The following PIP5K1B variants were observed in gnomAD, a reference collection of about 807,000 sequenced individuals.
PIP5K1B encodes phosphatidylinositol 4-phosphate 5-kinase type-1 beta.
PIP5K1B carries 42 observed loss-of-function variants against 67.0 expected under a neutral mutation model. The observed-to-expected ratio is 0.63, with a 90% CI of 0.49 to 0.81. PIP5K1B has a LOEUF of 0.81. Ranked by LOEUF, PIP5K1B falls within the 30% of genes least tolerant of loss-of-function variation. The pLI is 0.00. For missense variants in PIP5K1B, 459 were observed against 646.3 expected, an observed-to-expected ratio of 0.71 and a Z score of 3.14; for synonymous variants, 214 against 231.4, an observed-to-expected ratio of 0.92 and a Z score of 0.68.
chr9:68,825,562 A>G (rs1833937763), intron 4 of PIP5K1B, among the ~76,000 whole-genome samples: 1 of 152,216 alleles, frequency 6.6e-6, no homozygotes, highest in South Asian at 2.1e-4. Context: ...TTTCTTTCCC[A>G]GTCCTGAAGC....
chr9:68,820,598 G>A (rs1833687960), intron 3 of PIP5K1B, among the ~76,000 whole-genome samples: 1 of 152,114 alleles, frequency 6.6e-6, no homozygotes, highest in Admixed American at 6.6e-5. Context: ...GAATCCCTAG[G>A]TTTAGCATAT....
At chr9:68,801,649 G>T (rs1031300473) in intron 2 of PIP5K1B, among the ~76,000 whole-genome samples, 1 of 152,140 alleles carries the variant, frequency 6.6e-6, no homozygotes, top group Non-Finnish European at 1.5e-5. Flanking sequence ...ATTTGGTCAG[G>T]CTGGACGGAA....
chr9:68,911,115 T>A (rs1273392042), intron 8 of PIP5K1B, among the ~76,000 whole-genome samples: 2 of 152,224 alleles, frequency 1.3e-5, no homozygotes, highest in Non-Finnish European at 2.9e-5. Flanking sequence ...GGCTCACGCC[T>A]GTAATCCCAG....
chr9:68,854,722 A>T (rs767528175), intron 4 of PIP5K1B, among the ~76,000 whole-genome samples: 7 of 152,238 alleles, frequency 4.6e-5, no homozygotes, highest in African/African-American at 7.2e-5. Flanking sequence ...GGACATTTCC[A>T]TCCCAATATA....
At chr9:68,750,306 A>T (rs952861395) in intron 2 of PIP5K1B, among the ~76,000 whole-genome samples, 2 of 152,202 alleles carry the variant, frequency 1.3e-5, no homozygotes, top group African/African-American at 4.8e-5. Context: ...CAGGATTTGT[A>T]TGCGTAGATT....
At chr9:68,874,821 C>T (rs1823795511) in intron 5 of PIP5K1B, among the ~76,000 whole-genome samples, 2 of 152,084 alleles carry the variant, frequency 1.3e-5, no homozygotes, top group African/African-American at 4.8e-5. Context: ...CTGAAAGCAG[C>T]CTGCTTCAGA....
At chr9:68,875,236 A>G (rs1266896506) in intron 5 of PIP5K1B, among the ~76,000 whole-genome samples, 1 of 137,084 alleles carries the variant, frequency 7.3e-6, no homozygotes, top group Non-Finnish European at 1.5e-5. Flanking sequence ...CAAGATAACC[A>G]TTTATTATAT....
intron 15 of PIP5K1B, among the ~76,000 whole-genome samples, chr9:68,996,917 T>C (rs1830622960): frequency 6.6e-6 from 1 of 152,242 alleles, no homozygotes; most frequent in African/African-American, 2.4e-5. Flanking sequence ...ACTTTCCATA[T>C]TAACATCCTC....
chr9:68,853,811 G>GA (rs1351174328), intron 4 of PIP5K1B, among the ~76,000 whole-genome samples: 1 of 151,852 alleles, frequency 6.6e-6, no homozygotes, highest in South Asian at 2.1e-4. Context: ...CACCTCACAA[G>GA]AAAAAAAGAT....
At chr9:69,002,467 G>A (rs889684928) in intron 15 of PIP5K1B, among the ~76,000 whole-genome samples, 13 of 152,104 alleles carry the variant, frequency 8.5e-5, no homozygotes, top group Admixed American at 5.2e-4. Flanking sequence ...TTGTTTCCAT[G>A]CCTAACAAAA....
At chr9:68,907,852 T>TA (rs1825689164) in intron 8 of PIP5K1B, among the ~76,000 whole-genome samples, 1 of 152,260 alleles carries the variant, frequency 6.6e-6, no homozygotes, top group Non-Finnish European at 1.5e-5. Context: ...GCTTAGAGTT[T>TA]AAACACTAAG....
At chr9:68,743,243 CT>C (rs1829106550) in intron 2 of PIP5K1B, among the ~76,000 whole-genome samples, 1 of 149,592 alleles carries the variant, frequency 6.7e-6, no homozygotes, top group African/African-American at 2.5e-5. Flanking sequence ...GGTTGTCACT[CT>C]GTCTCCCAGG....
intron 2 of PIP5K1B, among the ~76,000 whole-genome samples, chr9:68,800,792 T>G (rs1832557366): frequency 6.6e-6 from 1 of 152,204 alleles, no homozygotes; most frequent in African/African-American, 2.4e-5. Context: ...TGCCTTTTTG[T>G]CATTCAAACA....
chr9:68,969,757 T>G (rs936190316), intron 14 of PIP5K1B, among the ~76,000 whole-genome samples: 8 of 152,172 alleles, frequency 5.3e-5, no homozygotes, highest in South Asian at 2.1e-4. Context: ...AGCCCTGTTC[T>G]CATAAGTAAA....
At chr9:68,875,731 A>C (rs1357211502) in intron 5 of PIP5K1B, among the ~76,000 whole-genome samples, 1 of 152,218 alleles carries the variant, frequency 6.6e-6, no homozygotes, top group East Asian at 1.9e-4. Flanking sequence ...TGTAGATCAA[A>C]GGGATTTTGA....
intron 4 of PIP5K1B, among the ~76,000 whole-genome samples, chr9:68,851,147 A>G (rs1011826118): frequency 2.6e-5 from 4 of 152,222 alleles, no homozygotes; most frequent in African/African-American, 9.6e-5. Flanking sequence ...TTTGCTGCCA[A>G]TCAAATTAAG....
chr9:68,734,443 G>A (rs1828625468), intron 1 of PIP5K1B, among the ~76,000 whole-genome samples: 1 of 152,174 alleles, frequency 6.6e-6, no homozygotes, highest in Non-Finnish European at 1.5e-5. Context: ...GGGAGGGAAG[G>A]ACCATAAGAA....
chr9:68,839,228 G>A (rs1821785662), intron 4 of PIP5K1B, among the ~76,000 whole-genome samples: 1 of 150,888 alleles, frequency 6.6e-6, no homozygotes, highest in Non-Finnish European at 1.5e-5. Context: ...GTTATATTTG[G>A]GCCTATGCTT....
chr9:68,846,124 A>G (rs1318983206), intron 4 of PIP5K1B, among the ~76,000 whole-genome samples: 1 of 152,254 alleles, frequency 6.6e-6, no homozygotes, highest in Admixed American at 6.5e-5. Flanking sequence ...GTATTAAAAT[A>G]TCTCAATGGA....
Sources: gnomAD v4.1 joint callset for allele counts (sites outside exome capture counted in the v4.1 genomes callset) on GRCh38, gnomAD v4.1.1 for gene constraint, MANE v1.5 for transcripts, NCBI Gene and HGNC (gene_info 2026-07-23, HGNC 2026-07-21) for gene names.